SUGCT: variants seen among roughly 807,000 people sequenced by gnomAD.
The protein encoded by SUGCT is succinyl-CoA:glutarate CoA-transferase.
Under a neutral mutation model 55.0 loss-of-function variants are expected in SUGCT, and 41 were observed. The ratio of observed to expected loss-of-function variants is 0.74; its 90% CI spans 0.58 to 0.97. The LOEUF is 0.97. Ranked by LOEUF, SUGCT falls within the 50% of genes least tolerant of loss-of-function variation. SUGCT has a pLI of 0.00. For synonymous variants in SUGCT, 187 were observed against 200.4 expected (o/e 0.93, Z 0.56); for missense variants, 568 against 547.8 (o/e 1.04, Z -0.37).
intron 12 of SUGCT, among the ~76,000 whole-genome samples, chr7:40,509,488 C>T (rs1228971754): frequency 6.6e-6 from 1 of 152,176 alleles, no homozygotes; most frequent in Non-Finnish European, 1.5e-5. Flanking sequence ...CTCCCATTCC[C>T]TCTTTTGTCA....
At chr7:40,510,617 G>A (rs1792872873) in intron 12 of SUGCT, among the ~76,000 whole-genome samples, 1 of 152,126 alleles carries the variant, frequency 6.6e-6, no homozygotes, top group Non-Finnish European at 1.5e-5. Context: ...TTCACAAAAT[G>A]ATAGGAACAT....
chr7:41,023,320 G>A, the SUGCT span, among the ~76,000 whole-genome samples: 1 of 151,962 alleles, frequency 6.6e-6, no homozygotes, highest in African/African-American at 2.4e-5. Context: ...TGTGTACAGA[G>A]AAATATGTAA....
At chr7:40,242,931 ATATTTTTTTTTTTT>A (rs1282823780) in intron 7 of SUGCT, among the ~76,000 whole-genome samples, 2 of 21,080 alleles carry the variant, frequency 9.5e-5, no homozygotes, top group Non-Finnish European at 8.7e-5. Context: ...ATATATATAT[ATATTTTTTTTTTTT>A]TTTTTTTTTT....
intron 12 of SUGCT, among the ~76,000 whole-genome samples, chr7:40,647,618 A>G (rs937717647): frequency 4.6e-5 from 7 of 152,140 alleles, no homozygotes; most frequent in African/African-American, 1.7e-4. Flanking sequence ...TGGGAGGCCA[A>G]GGTGGGTGGA....
chr7:40,565,881 C>T (rs1796104263), intron 12 of SUGCT, among the ~76,000 whole-genome samples: 1 of 151,980 alleles, frequency 6.6e-6, no homozygotes, highest in Non-Finnish European at 1.5e-5. Flanking sequence ...TAGGACTCTG[C>T]TCAAATGTCA....
At chr7:40,856,006 T>C (rs1794149454) in intron 13 of SUGCT, among the ~76,000 whole-genome samples, 1 of 152,234 alleles carries the variant, frequency 6.6e-6, no homozygotes, top group African/African-American at 2.4e-5. Context: ...AGACATTCAA[T>C]CCTTCTTCTT....
At chr7:40,505,680 T>A (rs561473316) in intron 12 of SUGCT, among the ~76,000 whole-genome samples, 68 of 152,198 alleles carry the variant, frequency 4.5e-4, no homozygotes, top group African/African-American at 1.5e-3. Flanking sequence ...AACACATCTA[T>A]GTATATTAAA....
intron 11 of SUGCT, among the ~76,000 whole-genome samples, chr7:40,485,895 A>G (rs1274298449): frequency 6.6e-6 from 1 of 152,174 alleles, no homozygotes; most frequent in Non-Finnish European, 1.5e-5. Flanking sequence ...TCGTTTTAAT[A>G]TGCTGTTGAA....
At chr7:40,808,026 T>G (rs1301280492) in intron 13 of SUGCT, 2 of 152,258 alleles carry the variant, frequency 1.3e-5, no homozygotes, top group Middle Eastern at 3.4e-3. Flanking sequence ...CAAATATTAA[T>G]CTCCTTTGGC....
chr7:40,330,266 T>C (rs1796238378), intron 9 of SUGCT, among the ~76,000 whole-genome samples: 1 of 152,210 alleles, frequency 6.6e-6, no homozygotes, highest in Non-Finnish European at 1.5e-5. Context: ...TTGAGTCTGC[T>C]TAGGAAATAA....
chr7:40,889,142 T>A, the SUGCT span, among the ~76,000 whole-genome samples: 1 of 152,122 alleles, frequency 6.6e-6, no homozygotes, highest in African/African-American at 2.4e-5. Flanking sequence ...TTGAAGTACA[T>A]CGATGGGCTG....
chr7:40,455,710 C>T (rs1789448653), intron 10 of SUGCT, among the ~76,000 whole-genome samples: 2 of 152,190 alleles, frequency 1.3e-5, no homozygotes, highest in African/African-American at 4.8e-5. Flanking sequence ...AGAGATGTTG[C>T]CTTTTCCTTT....
At chr7:40,699,392 C>T (rs1433150402) in intron 12 of SUGCT, among the ~76,000 whole-genome samples, 1 of 152,084 alleles carries the variant, frequency 6.6e-6, no homozygotes, top group East Asian at 1.9e-4. Flanking sequence ...AGAAAGGGAG[C>T]TCAGGCCACA....
chr7:40,670,169 CAAAAAAAAAA>C (rs34786531), intron 12 of SUGCT, among the ~76,000 whole-genome samples: 1 of 58,210 alleles, frequency 1.7e-5, no homozygotes, highest in Admixed American at 2.2e-4. Flanking sequence ...GACTCCATCT[CAAAAAAAAAA>C]AAAAAAAAAA....
chr7:40,232,056 A>C (rs1232524808), intron 6 of SUGCT, among the ~76,000 whole-genome samples: 1 of 152,166 alleles, frequency 6.6e-6, no homozygotes, highest in Non-Finnish European at 1.5e-5. Context: ...AGCTAAGATC[A>C]CACCACTACC....
intron 13 of SUGCT, among the ~76,000 whole-genome samples, chr7:40,823,986 G>T (rs140674619): frequency 6.6e-6 from 1 of 152,038 alleles, no homozygotes; most frequent in African/African-American, 2.4e-5. Context: ...ATAAGCACTG[G>T]TTCTTTTCCT....
At chr7:40,808,440 C>T (rs1175876684) in intron 13 of SUGCT, 1 of 152,300 alleles carries the variant, frequency 6.6e-6, no homozygotes. Context: ...GGCACTGTCT[C>T]CTCCCTCACA....
At chr7:40,583,668 T>TTATAACCCATAA (rs1797220192) in intron 12 of SUGCT, among the ~76,000 whole-genome samples, 3 of 152,216 alleles carry the variant, frequency 2.0e-5, no homozygotes, top group Admixed American at 1.3e-4. Flanking sequence ...ATTGGCAAAG[T>TTATAACCCATAA]ATCTTATGGG....
At chr7:40,261,702 A>G (rs987418038) in intron 7 of SUGCT, among the ~76,000 whole-genome samples, 5 of 152,220 alleles carry the variant, frequency 3.3e-5, no homozygotes, top group African/African-American at 1.2e-4. Flanking sequence ...GTCTCTTTAA[A>G]AGTTTTTTAC....
Sources: gnomAD v4.1 joint callset for allele counts (sites outside exome capture counted in the v4.1 genomes callset) on GRCh38, gnomAD v4.1.1 for gene constraint, MANE v1.5 for transcripts, NCBI Gene and HGNC (gene_info 2026-07-23, HGNC 2026-07-21) for gene names.